IAH1: variants seen among roughly 807,000 people sequenced by gnomAD.
IAH1 encodes isoamyl acetate hydrolyzing esterase 1 (putative), also known as isoamyl acetate-hydrolyzing esterase 1 homolog.
Under a neutral mutation model 26.7 loss-of-function variants are expected in IAH1, and 24 were observed. The observed-to-expected ratio is 0.90, with a 90% CI of 0.65 to 1.26. IAH1 has a LOEUF of 1.26. IAH1 is among the 50% of genes most tolerant of loss of function. The pLI is 0.00. For missense variants in IAH1, 300 were observed against 299.9 expected, an observed-to-expected ratio of 1.00 and a Z score of 0.00; for synonymous variants, 140 against 118.5, an observed-to-expected ratio of 1.18 and a Z score of -1.18.
intron 2 of IAH1, among the ~76,000 whole-genome samples, chr2:9,478,008 G>A (rs1037118077): frequency 1.3e-5 from 2 of 152,040 alleles, no homozygotes; most frequent in Admixed American, 1.3e-4. Context: ...CTTCTCTCAC[G>A]GAGGAGTATG....
downstream of IAH1, chr2:9,497,047 G>A (rs1446399817): frequency 7.6e-6 from 12 of 1,577,054 alleles, no homozygotes; most frequent in Non-Finnish European, 1.0e-5. Context: ...TCCAAATGGA[G>A]GAAGGGAGCC....
downstream of IAH1, chr2:9,492,841 T>C: frequency 1.4e-6 from 2 of 1,444,968 alleles, no homozygotes; most frequent in South Asian, 2.6e-5. Flanking sequence ...GATTACATGG[T>C]TGGAGTTGAT....
chr2:9,500,362 C>G (rs951243939), downstream of IAH1, among the ~76,000 whole-genome samples: 6 of 152,122 alleles, frequency 3.9e-5, no homozygotes, highest in African/African-American at 1.4e-4. Flanking sequence ...CAGACAACTC[C>G]ATAAAGAATA....
Position 9,474,639 on chromosome 2 carries a change from A to G in IAH1, c.73A>G (p.Ile25Val). 6.4e-7 allele frequency: 1 copy of G among 1,553,558 alleles called. No individual in the cohort carries two copies. Among genetic ancestry groups the G allele is most frequent in the South Asian group, 1.2e-5 (1 of 85,318 alleles). Residue 25 changes from isoleucine to valine, a missense_variant, in exon 1 of 6, where the codon ATC (isoleucine) becomes GTC (valine). Transcript: ENST00000497473. This position sits in a 1 kb window ranked among gnomAD's most constrained non-coding sequence, Gnocchi z 4.3. ...TCGCTTGTTGCTCTTCGGGGACTCCATCACCCAGGTACGGCCGCCCCGACG... is the reference window on the plus strand; with the variant it reads ...TCGCTTGTTGCTCTTCGGGGACTCCGTCACCCAGGTACGGCCGCCCCGACG... The part of the protein sequence containing the change: ...WPRLLLFGDS[I>V]TQFSFQQGGW...
chr2:9,493,839 A>AT (rs747682476), downstream of IAH1: 38 of 1,601,634 alleles, frequency 2.4e-5, no homozygotes, highest in Non-Finnish European at 3.3e-5. Context: ...TGAAGAAAAA[A>AT]CATACATACA....
At chr2:9,494,880 T>C in intron 6 of IAH1, 2 of 1,365,228 alleles carry the variant, frequency 1.5e-6, no homozygotes, top group Non-Finnish European at 2.0e-6. Context: ...CACATTTATT[T>C]TTTATTTAAA....
At chr2:9,492,101 A>G (rs190932680), downstream of IAH1, among the ~76,000 whole-genome samples, 178 of 152,322 alleles carry the variant, frequency 1.2e-3, 2 homozygotes, top group African/African-American at 4.1e-3. Context: ...GCAGGAAAGG[A>G]AAGGAAGGAG....
chr2:9,509,704 G>C, the IAH1 span, among the ~76,000 whole-genome samples: 1 of 151,904 alleles, frequency 6.6e-6, no homozygotes, highest in Non-Finnish European at 1.5e-5. Flanking sequence ...CTGAAATCCA[G>C]AACTCCAAAA....
downstream of IAH1, chr2:9,493,740 C>A: frequency 6.2e-7 from 1 of 1,611,732 alleles, no homozygotes; most frequent in Non-Finnish European, 8.5e-7. Context: ...CTGGGGAAAT[C>A]ACCTACCAAA....
chr2:9,486,636 T>C (rs1441688172), intron 5 of IAH1: 1 of 152,192 alleles, frequency 6.6e-6, no homozygotes, highest in Non-Finnish European at 1.5e-5. Flanking sequence ...GAGACCAGCC[T>C]GGCCAACATG....
Sources: allele counts gnomAD v4.1 joint callset (sites outside exome capture counted in the v4.1 genomes callset), GRCh38; gene constraint gnomAD v4.1.1; non-coding constraint Gnocchi (gnomAD v3.1); transcripts MANE v1.5; gene names NCBI Gene and HGNC (gene_info 2026-07-23, HGNC 2026-07-21).